Variants in TSPEAR observed in about 807,000 individuals in gnomAD.
TSPEAR encodes the protein thrombospondin-type laminin G domain and EAR repeat-containing protein.
Under a neutral mutation model 71.6 loss-of-function variants are expected in TSPEAR, and 69 were observed. The ratio of observed to expected loss-of-function variants is 0.96; its 90% confidence interval spans 0.79 to 1.18. The LOEUF is 1.18. Among genes scored for constraint, TSPEAR ranks in the 50% most tolerant of loss-of-function variants. TSPEAR has a pLI of 0.00. For missense variants in TSPEAR, 971 were observed against 894.9 expected, an observed-to-expected ratio of 1.09 and a Z score of -1.09; for synonymous variants, 402 against 387.2, an observed-to-expected ratio of 1.04 and a Z score of -0.45.
chr21:44,665,205 T>A (rs1985690299), intron 1 of TSPEAR, among the ~76,000 whole-genome samples: 1 of 152,200 alleles, frequency 6.6e-6, no homozygotes, highest in African/African-American at 2.4e-5. Flanking sequence ...GCCTAAAAGA[T>A]GATGAAACCA....
Position 44,710,692 on chromosome 21 carries a change from C to G in TSPEAR, c.82+741G>C, listed in dbSNP as rs1555953436. ...TACTGTCCAGTAACTGAGTTTCTAG[C>G]GACCAGGTCTAGTTGTCGTGTTACT... On this transcript the variant is annotated intron_variant, in intron 1 of 11. Transcript: ENST00000323084. The surrounding 1 kb of genome is among the most constrained non-coding windows in gnomAD (Gnocchi z 4.6). 6.6e-6 allele frequency among the ~76,000 whole-genome samples: 1 copy of G among 152,212 alleles called. No individual in the cohort carries two copies. Among genetic ancestry groups the G allele is most frequent in the South Asian group, 2.1e-4 (1 of 4,832 alleles).
intron 1 of TSPEAR, among the ~76,000 whole-genome samples, chr21:44,632,333 G>A (rs1226637768): frequency 6.9e-6 from 1 of 144,936 alleles, no homozygotes; most frequent in Non-Finnish European, 1.5e-5. Flanking sequence ...GCAATGGGAT[G>A]ATGTACTTAA....
intron 2 of TSPEAR, among the ~76,000 whole-genome samples, chr21:44,565,597 C>T (rs1390151174): frequency 6.6e-6 from 1 of 152,046 alleles, no homozygotes; most frequent in Non-Finnish European, 1.5e-5. Context: ...AACACATCAA[C>T]AGAATAAAAA....
chr21:44,555,687 A>G (rs2053516807), intron 2 of TSPEAR, among the ~76,000 whole-genome samples: 1 of 151,944 alleles, frequency 6.6e-6, no homozygotes, highest in Non-Finnish European at 1.5e-5. Flanking sequence ...CCCCTTCACA[A>G]GCAGGGTAGA....
At chr21:44,580,575 C>A in intron 1 of TSPEAR, 2 of 1,608,108 alleles carry the variant, frequency 1.2e-6, no homozygotes. Flanking sequence ...GTGCACGCGG[C>A]CATGCTGGGG....
intron 9 of TSPEAR, among the ~76,000 whole-genome samples, chr21:44,513,369 CCT>C (rs1219351240): frequency 2.8e-4 from 43 of 152,310 alleles, no homozygotes; most frequent in African/African-American, 8.2e-4. Flanking sequence ...GTGGGACCCC[CCT>C]GTCAGGCCAC....
intron 1 of TSPEAR, among the ~76,000 whole-genome samples, chr21:44,644,304 T>C (rs2146233727): frequency 6.6e-6 from 1 of 152,352 alleles, no homozygotes; most frequent in South Asian, 2.1e-4. Context: ...TGTGTGTGTC[T>C]GTAGTACATC....
intron 1 of TSPEAR, among the ~76,000 whole-genome samples, chr21:44,709,576 A>G (rs1555953184): frequency 6.6e-6 from 1 of 152,196 alleles, no homozygotes; most frequent in Admixed American, 6.5e-5. Context: ...CCGAACCCCC[A>G]GCCTCGCGAC....
intron 1 of TSPEAR, among the ~76,000 whole-genome samples, chr21:44,643,101 C>T (rs956885833): frequency 5.9e-5 from 9 of 152,210 alleles, no homozygotes; most frequent in African/African-American, 2.2e-4. Flanking sequence ...GAGATCCTGT[C>T]ATCTGTGACA....
At chr21:44,540,190 G>A in intron 2 of TSPEAR, 1 of 1,597,828 alleles carries the variant, frequency 6.3e-7, no homozygotes, top group Non-Finnish European at 8.5e-7. Context: ...AGGTGTGAGT[G>A]AGTGAGTGTG....
intron 1 of TSPEAR, chr21:44,627,561 C>T (rs1982919922): frequency 6.2e-7 from 1 of 1,613,102 alleles, no homozygotes; most frequent in Non-Finnish European, 8.5e-7. Flanking sequence ...AGCCAGCTTG[C>T]TGTGCCTCTT....
chr21:44,613,046 C>T, intron 1 of TSPEAR: 1 of 1,005,314 alleles, frequency 9.9e-7, no homozygotes. Context: ...GAGCCTCCAT[C>T]CTCACTGCTC....
intron 2 of TSPEAR, among the ~76,000 whole-genome samples, chr21:44,555,084 A>G (rs1302597689): frequency 6.6e-6 from 1 of 152,344 alleles, no homozygotes; most frequent in East Asian, 1.9e-4. Context: ...GAAGAGAAAA[A>G]ACAAACCGTG....
chr21:44,509,095 G>A, intron 10 of TSPEAR, 104 bp downstream of exon 10: 1 of 1,409,960 alleles, frequency 7.1e-7, no homozygotes, highest in South Asian at 1.3e-5. Flanking sequence ...CCCCAGGCCA[G>A]TCTTTCCACG....
chr21:44,592,380 G>T lies in TSPEAR; in HGVS notation c.83-24375C>A, dbSNP rs201427246. On this transcript the variant is annotated intron_variant, in intron 1 of 11. Transcript: ENST00000323084. ...GCTCACAGCAGCTCTCTGGGCAGTC[G>T]TCCACCTGCCAGGAGTCGGAGCAAG... 5.1e-6 allele frequency: 8 copies of T among 1,562,934 alleles called. No homozygotes were observed. In the Admixed American group the frequency reaches 1.3e-4, roughly 25 times the overall value.
At chr21:44,666,226 T>C (rs1335203447) in intron 1 of TSPEAR, 5 of 544,212 alleles carry the variant, frequency 9.2e-6, no homozygotes, top group Non-Finnish European at 1.6e-5. Flanking sequence ...TCTCATGGGG[T>C]CAGAGAATGA....
Position 44,593,126 on chromosome 21 carries a change from G to A in TSPEAR, c.83-25121C>T, listed in dbSNP as rs587744301. Among the ~76,000 whole-genome samples the A allele has an allele frequency of 1.1e-4, 16 of 152,338 alleles. No homozygotes were observed. The highest frequency in any genetic ancestry group is 3.4e-4 in the African/African-American group (14 of 41,576). On this transcript the variant is annotated intron_variant, in intron 1 of 11. Transcript: ENST00000323084. The surrounding 1 kb of genome is among the most constrained non-coding windows in gnomAD (Gnocchi z 5.9). ...GAGGCAGCAGGACCTGTGTGTTCCA[G>A]GGCAAGGACGGTGGGCTTGGCCCCT...
At chr21:44,599,890 G>A (rs1980663224) in intron 1 of TSPEAR, among the ~76,000 whole-genome samples, 1 of 152,154 alleles carries the variant, frequency 6.6e-6, no homozygotes, top group Admixed American at 6.5e-5. Flanking sequence ...AGGTGTTCTG[G>A]GTTAGACTTA....
At chr21:44,678,289 C>T (rs941806767) in intron 1 of TSPEAR, among the ~76,000 whole-genome samples, 14 of 151,850 alleles carry the variant, frequency 9.2e-5, no homozygotes, top group African/African-American at 3.4e-4. Flanking sequence ...TCATGAGGGC[C>T]ATTTCTCATG....
Sources: allele counts gnomAD v4.1 joint callset (sites outside exome capture counted in the v4.1 genomes callset), GRCh38; gene constraint gnomAD v4.1.1; non-coding constraint Gnocchi (gnomAD v3.1); transcripts MANE v1.5; gene names NCBI Gene and HGNC (gene_info 2026-07-23, HGNC 2026-07-21).